SPATA6: variants seen among roughly 807,000 people sequenced by gnomAD.
The protein encoded by SPATA6 is spermatogenesis-associated protein 6.
SPATA6 carries 56 observed loss-of-function variants against 65.3 expected under a neutral mutation model. The observed-to-expected ratio is 0.86, with a 90% CI of 0.69 to 1.07. The LOEUF (loss-of-function observed/expected upper bound fraction) is 1.07. Ranked by LOEUF, SPATA6 falls within the 50% of genes least tolerant of loss-of-function variation. SPATA6 has a pLI of 0.00. For missense variants in SPATA6, 590 were observed against 594.8 expected (o/e 0.99, Z 0.08); for synonymous variants, 199 against 213.2 (o/e 0.93, Z 0.58).
intron 3 of SPATA6, among the ~76,000 whole-genome samples, chr1:48,445,533 G>A (rs1021228869): frequency 1.6e-4 from 25 of 151,828 alleles, no homozygotes; most frequent in Non-Finnish European, 3.2e-4. Flanking sequence ...GGTGGCAGGC[G>A]CCTGTAGTCC....
intron 1 of SPATA6, among the ~76,000 whole-genome samples, chr1:48,463,949 AT>A (rs60032625): frequency 0.14 from 21,510 of 151,906 alleles, 1,743 homozygotes; most frequent in African/African-American, 0.21. Flanking sequence ...AAAAAGTGTC[AT>A]TTTTTTACAG....
chr1:48,351,091 C>T (rs1646502670), intron 11 of SPATA6, among the ~76,000 whole-genome samples: 1 of 151,872 alleles, frequency 6.6e-6, no homozygotes, highest in African/African-American at 2.4e-5. Flanking sequence ...AGAATTTTAG[C>T]TAAGCACTTA....
the SPATA6 span, among the ~76,000 whole-genome samples, chr1:48,268,250 A>G: frequency 6.6e-6 from 1 of 151,734 alleles, no homozygotes; most frequent in African/African-American, 2.4e-5. Context: ...TATCATTATC[A>G]TGTGCTAGGC....
chr1:48,455,791 T>C (rs147100020), intron 1 of SPATA6, among the ~76,000 whole-genome samples: 118 of 152,308 alleles, frequency 7.7e-4, no homozygotes, highest in African/African-American at 2.6e-3. Flanking sequence ...ATTGTCCTCA[T>C]TGGAAACTGC....
intron 11 of SPATA6, among the ~76,000 whole-genome samples, chr1:48,321,824 A>G (rs964399360): frequency 2.6e-5 from 4 of 152,170 alleles, no homozygotes; most frequent in Non-Finnish European, 5.9e-5. Context: ...TCTGACCACA[A>G]TGGAATAAAA....
chr1:48,342,602 C>G (rs755229991), intron 11 of SPATA6, among the ~76,000 whole-genome samples: 1 of 143,260 alleles, frequency 7.0e-6, no homozygotes, highest in Non-Finnish European at 1.5e-5. Flanking sequence ...GGTGACAGAG[C>G]GAGACTCCAT....
intron 6 of SPATA6, 135 bp downstream of exon 6, chr1:48,403,667 T>G: frequency 1.6e-6 from 1 of 611,686 alleles, no homozygotes; most frequent in South Asian, 2.4e-5. Flanking sequence ...ATACCTATAT[T>G]GTTTCACTTC....
intron 3 of SPATA6, among the ~76,000 whole-genome samples, chr1:48,439,997 A>C (rs193276322): frequency 6.6e-6 from 1 of 152,270 alleles, no homozygotes; most frequent in East Asian, 1.9e-4. Flanking sequence ...ATTGAAGGAG[A>C]ATCCACAACT....
intron 11 of SPATA6, among the ~76,000 whole-genome samples, chr1:48,314,229 A>G (rs972254828): frequency 1.3e-5 from 2 of 152,244 alleles, no homozygotes; most frequent in African/African-American, 4.8e-5. Flanking sequence ...CCGAATCAAC[A>G]GAATATACAT....
intron 9 of SPATA6, among the ~76,000 whole-genome samples, chr1:48,365,494 C>T (rs1475603163): frequency 6.6e-6 from 1 of 152,102 alleles, no homozygotes; most frequent in East Asian, 1.9e-4. Context: ...GTTTATAGTT[C>T]TCCTTGAAGA....
In SPATA6 at chr1:48,359,675, T is replaced by C. The variant is rs1362792732; in HGVS notation, c.1005A>G (p.Ser335=). Residue 335 remains serine (S), a synonymous_variant, in exon 10 of 13, where the codon TCA becomes TCG. Transcript: ENST00000371847. The part of the protein sequence containing the change: ...SPRSCSKPRH[S]ARTLLVHSAP... ...CTGAATGGACTAGCAAGGTCCTCGCTGAATGCCGGGGCTTACTACACGACC... is the reference window on the plus strand; with the variant it reads ...CTGAATGGACTAGCAAGGTCCTCGCCGAATGCCGGGGCTTACTACACGACC... The C allele has an allele frequency of 5.6e-6, 9 of 1,613,868 alleles. No homozygotes were observed. Among genetic ancestry groups the C allele is most frequent in the Non-Finnish European group, 7.6e-6 (9 of 1,179,858 alleles).
chr1:48,312,869 A>AT lies in SPATA6; in HGVS notation c.1195-6992_1195-6991insA, dbSNP rs139313301. Among the ~76,000 whole-genome samples, 525 of 152,362 alleles carry AT rather than the reference A, an allele frequency of 3.4e-3. 13 individuals carry two copies. In the East Asian group the frequency reaches 0.084, roughly 24 times the overall value. On this transcript the variant is annotated intron_variant, in intron 11 of 12. Coordinates refer to ENST00000371847, the MANE Select transcript of SPATA6 (RefSeq NM_019073.4). ...GTCCTTAAAGGACCTGATGGAGCTGAAAACCACGGCAAGAGACAAACGTGA... is the reference window on the plus strand; with the variant it reads ...GTCCTTAAAGGACCTGATGGAGCTGATAAACCACGGCAAGAGACAAACGTGA...
At chr1:48,390,555 A>T (rs1352846111) in intron 8 of SPATA6, among the ~76,000 whole-genome samples, 1 of 152,224 alleles carries the variant, frequency 6.6e-6, no homozygotes, top group Non-Finnish European at 1.5e-5. Flanking sequence ...TAGCTGGAAG[A>T]CAGGACTTAA....
chr1:48,439,069 C>T (rs190069311), intron 3 of SPATA6, among the ~76,000 whole-genome samples: 125 of 152,246 alleles, frequency 8.2e-4, no homozygotes, highest in Non-Finnish European at 1.1e-3. Context: ...CAGGGTATGG[C>T]CCTCCACTTC....
intron 3 of SPATA6, among the ~76,000 whole-genome samples, chr1:48,431,311 C>T (rs1316041320): frequency 2.0e-5 from 3 of 151,884 alleles, no homozygotes; most frequent in Non-Finnish European, 2.9e-5. Context: ...AATGGTTCTA[C>T]AATAATAGTA....
chr1:48,289,184 T>C, the SPATA6 span, among the ~76,000 whole-genome samples: 1 of 152,228 alleles, frequency 6.6e-6, no homozygotes, highest in Admixed American at 6.5e-5. Flanking sequence ...TTTGCTGTTC[T>C]GCAATATTTG....
intron 9 of SPATA6, among the ~76,000 whole-genome samples, chr1:48,369,184 A>T (rs1284085806): frequency 6.6e-6 from 1 of 152,138 alleles, no homozygotes; most frequent in South Asian, 2.1e-4. Context: ...CGGCCGTGTG[A>T]GGTGTCAGTC....
Position 48,403,868 on chromosome 1 carries a change from C to G in SPATA6, c.420G>C (p.Arg140Ser), listed in dbSNP as rs1200810892. The G allele has an allele frequency of 1.9e-6, 3 of 1,609,048 alleles. No homozygotes were observed. The highest frequency in any genetic ancestry group is 2.5e-6 in the Non-Finnish European group (3 of 1,178,048). Reference protein sequence around the residue: ...RISGLRGNAPRLEFSTTSVIT... With the variant: ...RISGLRGNAPSLEFSTTSVIT... ...TCACTGAAGTCGTAGAAAATTCCAG[C>G]CTTGGAGCATTTCCCTGAGAAGAAA... The change falls in exon 6 of 13, where the codon AGG becomes AGC. Residue 140 changes from arginine (R) to serine (S), a missense_variant. Physicochemically the swap from Arg to Ser is moderately radical, Grantham distance 110 (BLOSUM62 -1). Coordinates refer to ENST00000371847, the MANE Select transcript of SPATA6 (RefSeq NM_019073.4).
chr1:48,332,153 T>C (rs1235075583), intron 11 of SPATA6, among the ~76,000 whole-genome samples: 1 of 152,188 alleles, frequency 6.6e-6, no homozygotes, highest in East Asian at 1.9e-4. Flanking sequence ...CCAGTGACAC[T>C]TATAAAGCCA....
Sources: gnomAD v4.1 joint callset for allele counts (sites outside exome capture counted in the v4.1 genomes callset) on GRCh38, gnomAD v4.1.1 for gene constraint, MANE v1.5 for transcripts, NCBI Gene and HGNC (gene_info 2026-07-23, HGNC 2026-07-21) for gene names.